Variants in RSBN1 observed in about 807,000 individuals in gnomAD.
The protein encoded by RSBN1 is lysine-specific demethylase 9.
RSBN1 carries 23 observed loss-of-function variants against 74.8 expected under a neutral mutation model. That is an observed-to-expected ratio of 0.31 (90% confidence interval 0.22 to 0.44). The LOEUF is 0.44. RSBN1 is among the 20% of genes least tolerant of loss of function. The probability of loss-of-function intolerance (pLI) is 1.00; values close to 1 mark genes in which losing one functional copy is unlikely to be tolerated. For synonymous variants in RSBN1, 407 were observed against 379.6 expected, an observed-to-expected ratio of 1.07 and a Z score of -0.84; for missense variants, 808 against 1,020.9, an observed-to-expected ratio of 0.79 and a Z score of 2.84.
intron 2 of RSBN1, among the ~76,000 whole-genome samples, chr1:113,787,188 TAGG>T (rs1660261506): frequency 6.6e-6 from 1 of 152,216 alleles, no homozygotes; most frequent in African/African-American, 2.4e-5. Flanking sequence ...TCAACACTAA[TAGG>T]AAGAATCTGA....
At chr1:113,806,016 C>T (rs1046687283) in intron 1 of RSBN1, among the ~76,000 whole-genome samples, 1 of 152,104 alleles carries the variant, frequency 6.6e-6, no homozygotes, top group Non-Finnish European at 1.5e-5. Flanking sequence ...GATTTCCATG[C>T]GCTACAAGGT....
intron 1 of RSBN1, among the ~76,000 whole-genome samples, chr1:113,810,153 C>T (rs112370309): frequency 2.7e-3 from 414 of 152,260 alleles, no homozygotes; most frequent in African/African-American, 9.5e-3. Context: ...GAGAAAGCAA[C>T]ATCATGAAGC....
intron 2 of RSBN1, among the ~76,000 whole-genome samples, chr1:113,789,748 C>T (rs1660329147): frequency 6.6e-6 from 1 of 152,184 alleles, no homozygotes. Flanking sequence ...AAATCTCCCA[C>T]ATTTGGGCAA....
chr1:113,790,420 A>G (rs965269461), intron 2 of RSBN1, among the ~76,000 whole-genome samples: 2 of 152,238 alleles, frequency 1.3e-5, no homozygotes, highest in Non-Finnish European at 2.9e-5. Flanking sequence ...TAACACAAGT[A>G]GACAAATTAG....
At chr1:113,769,986 C>T (rs956699812) in intron 4 of RSBN1, among the ~76,000 whole-genome samples, 2 of 152,184 alleles carry the variant, frequency 1.3e-5, no homozygotes, top group African/African-American at 2.4e-5. Flanking sequence ...AATTCCCTGA[C>T]AGAACCCTAA....
chr1:113,790,250 T>C (rs1382417485), intron 2 of RSBN1, among the ~76,000 whole-genome samples: 2 of 152,172 alleles, frequency 1.3e-5, no homozygotes, highest in African/African-American at 2.4e-5. Flanking sequence ...GAGTTTCTGT[T>C]TGGTATGAGG....
At chr1:113,775,403 A>C (rs570677104) in intron 4 of RSBN1, among the ~76,000 whole-genome samples, 2 of 151,378 alleles carry the variant, frequency 1.3e-5, no homozygotes, top group Non-Finnish European at 2.9e-5. Context: ...GTGCAGAAGC[A>C]CCATCTCAGC....
chr1:113,790,786 T>G (rs1660348871), intron 2 of RSBN1, among the ~76,000 whole-genome samples: 1 of 152,182 alleles, frequency 6.6e-6, no homozygotes, highest in Admixed American at 6.5e-5. Context: ...GTAGATGGTA[T>G]ATGGTTTAAA....
intron 4 of RSBN1, among the ~76,000 whole-genome samples, chr1:113,774,806 G>A (rs1659987355): frequency 6.6e-6 from 1 of 152,214 alleles, no homozygotes; most frequent in East Asian, 1.9e-4. Flanking sequence ...AGTGAGCCCT[G>A]ATCATGCCAC....
chr1:113,803,602 T>C (rs1660635090), intron 1 of RSBN1, among the ~76,000 whole-genome samples: 2 of 152,166 alleles, frequency 1.3e-5, no homozygotes, highest in African/African-American at 4.8e-5. Context: ...CTTATAATAG[T>C]CCTAGAACAT....
At chr1:113,786,407 A>T (rs954985307) in intron 2 of RSBN1, among the ~76,000 whole-genome samples, 1 of 152,180 alleles carries the variant, frequency 6.6e-6, no homozygotes, top group Non-Finnish European at 1.5e-5. Flanking sequence ...GATGTGAATA[A>T]ATTAAGGATC....
At position 113,802,424 on chromosome 1, in the gene RSBN1, A is replaced by G. The variant is rs144920577; in HGVS notation, c.704-4388T>C. On this transcript the variant is annotated intron_variant, in intron 1 of 6. Coordinates refer to ENST00000261441, the MANE Select transcript of RSBN1 (RefSeq NM_018364.5). ...ATTATTCATGATTTTTTAAAGGACTAAAGTTGTTTCCTGAAAATAAATTAT... is the reference window on the plus strand; with the variant it reads ...ATTATTCATGATTTTTTAAAGGACTGAAGTTGTTTCCTGAAAATAAATTAT... Among the ~76,000 whole-genome samples, 1,486 of 152,144 alleles carry G rather than the reference A, an allele frequency of 9.8e-3. 13 individuals carry two copies. Among genetic ancestry groups the G allele is most frequent in the Middle Eastern group, 0.045 (13 of 292 alleles).
chr1:113,777,082 G>A, intron 4 of RSBN1, 128 bp downstream of exon 4: 1 of 755,724 alleles, frequency 1.3e-6, no homozygotes, highest in Admixed American at 2.6e-5. Flanking sequence ...GGACTGAAAA[G>A]AGGAACCGAC....
At chr1:113,806,856 A>C (rs946319975) in intron 1 of RSBN1, among the ~76,000 whole-genome samples, 411 of 150,980 alleles carry the variant, frequency 2.7e-3, no homozygotes, top group African/African-American at 9.5e-3. Flanking sequence ...AAAAAAAAAA[A>C]AAAAACATTA....
intron 3 of RSBN1, 139 bp from the exon 4 acceptor site, chr1:113,777,491 A>G: frequency 1.1e-6 from 1 of 946,666 alleles, no homozygotes; most frequent in South Asian, 2.3e-5. Flanking sequence ...ATAGTAATTT[A>G]TATTAAAAAG....
At chr1:113,784,801 T>C (rs1346737380) in intron 2 of RSBN1, among the ~76,000 whole-genome samples, 1 of 152,174 alleles carries the variant, frequency 6.6e-6, no homozygotes, top group Non-Finnish European at 1.5e-5. Context: ...TTTTTATGTA[T>C]CTAAACACAT....
chr1:113,775,077 T>C (rs1309366320), intron 4 of RSBN1, among the ~76,000 whole-genome samples: 1 of 151,476 alleles, frequency 6.6e-6, no homozygotes, highest in African/African-American at 2.4e-5. Flanking sequence ...CAGGCTTGAG[T>C]GGAGTGGCAC....
intron 1 of RSBN1, among the ~76,000 whole-genome samples, chr1:113,804,511 C>CCTGCA (rs1310737396): frequency 6.6e-6 from 1 of 152,168 alleles, no homozygotes; most frequent in African/African-American, 2.4e-5. Context: ...TTTCCGCCTC[C>CCTGCA]ACTATCAGAC....
intron 2 of RSBN1, among the ~76,000 whole-genome samples, chr1:113,780,792 A>G (rs977933747): frequency 2.6e-5 from 4 of 152,230 alleles, no homozygotes; most frequent in African/African-American, 7.2e-5. Context: ...GCTACAAAAT[A>G]CTAGGACTGG....
Sources: allele counts gnomAD v4.1 joint callset (sites outside exome capture counted in the v4.1 genomes callset), GRCh38; gene constraint gnomAD v4.1.1; transcripts MANE v1.5; gene names NCBI Gene and HGNC (gene_info 2026-07-23, HGNC 2026-07-21).